ZBTB20: variants seen among roughly 807,000 people sequenced by gnomAD.
The protein encoded by ZBTB20 is zinc finger and BTB domain containing 20.
In ZBTB20, 9 loss-of-function variants were observed where a neutral mutation model predicts 56.9. That is an observed-to-expected ratio of 0.16 (90% CI 0.10 to 0.28). The LOEUF is 0.28. Among genes scored for constraint, ZBTB20 ranks in the 10% least tolerant of loss-of-function variants. The probability of loss-of-function intolerance (pLI) is 1.00; values close to 1 mark genes in which losing one functional copy is unlikely to be tolerated. For missense variants in ZBTB20, 655 were observed against 1,003.0 expected (o/e 0.65, Z 4.69); for synonymous variants, 417 against 420.7 (o/e 0.99, Z 0.11).
chr3:114,834,736 T>C (rs2074034278), intron 4 of ZBTB20, among the ~76,000 whole-genome samples: 1 of 152,058 alleles, frequency 6.6e-6, no homozygotes, highest in African/African-American at 2.4e-5. Context: ...GCTCCTGAGA[T>C]TAAACCCAGA....
At chr3:114,815,070 G>A (rs1299878822) in intron 4 of ZBTB20, among the ~76,000 whole-genome samples, 2 of 152,022 alleles carry the variant, frequency 1.3e-5, no homozygotes, top group Non-Finnish European at 2.9e-5. Context: ...TCCTAGTAAT[G>A]ACTAACCTCA....
chr3:114,719,036 T>C (rs1170202885), intron 5 of ZBTB20, among the ~76,000 whole-genome samples: 1 of 151,572 alleles, frequency 6.6e-6, no homozygotes, highest in East Asian at 1.9e-4. Flanking sequence ...AGGTTAAATA[T>C]TAACTCGAAA....
At chr3:114,893,799 C>T (rs2074740426) in intron 4 of ZBTB20, among the ~76,000 whole-genome samples, 1 of 152,118 alleles carries the variant, frequency 6.6e-6, no homozygotes, top group Non-Finnish European at 1.5e-5. Flanking sequence ...CTGGGCATGA[C>T]TTGTCTCTCA....
At chr3:114,768,706 T>C (rs986844987) in intron 5 of ZBTB20, among the ~76,000 whole-genome samples, 6 of 152,192 alleles carry the variant, frequency 3.9e-5, no homozygotes, top group Non-Finnish European at 8.8e-5. Context: ...TAAAGTATAT[T>C]TAGCTCATCT....
chr3:114,506,677 T>A (rs2109751196), intron 6 of ZBTB20, among the ~76,000 whole-genome samples: 1 of 152,302 alleles, frequency 6.6e-6, no homozygotes, highest in East Asian at 1.9e-4. Flanking sequence ...TGACTTATAG[T>A]AAACTGATCT....
intron 5 of ZBTB20, among the ~76,000 whole-genome samples, chr3:114,787,873 T>A (rs1267980748): frequency 6.6e-6 from 1 of 152,100 alleles, no homozygotes; most frequent in African/African-American, 2.4e-5. Context: ...CAGTTCTACC[T>A]CCCTGCCATT....
chr3:115,023,796 T>A (rs1258639075), intron 2 of ZBTB20, among the ~76,000 whole-genome samples: 2 of 151,092 alleles, frequency 1.3e-5, no homozygotes, highest in East Asian at 3.9e-4. Context: ...GAAAAAATGA[T>A]GCTAAAATAA....
chr3:114,561,116 C>A (rs1400501192), intron 6 of ZBTB20, among the ~76,000 whole-genome samples: 2 of 152,174 alleles, frequency 1.3e-5, no homozygotes, highest in African/African-American at 4.8e-5. Flanking sequence ...TATGAAAGTA[C>A]AACAATTCAG....
At chr3:114,696,774 G>T (rs951252779) in intron 5 of ZBTB20, among the ~76,000 whole-genome samples, 1 of 152,016 alleles carries the variant, frequency 6.6e-6, no homozygotes, top group Non-Finnish European at 1.5e-5. Flanking sequence ...GGAGGGGGTT[G>T]TGGGAAGGAG....
At chr3:114,637,941 C>T (rs889221801) in intron 6 of ZBTB20, among the ~76,000 whole-genome samples, 1 of 152,044 alleles carries the variant, frequency 6.6e-6, no homozygotes, top group Non-Finnish European at 1.5e-5. Flanking sequence ...CCTTTTCCCC[C>T]CACTATTACA....
chr3:114,944,854 T>C (rs2076833202), intron 3 of ZBTB20, among the ~76,000 whole-genome samples: 1 of 145,486 alleles, frequency 6.9e-6, no homozygotes, highest in Admixed American at 6.6e-5. Flanking sequence ...GGAGATGTTA[T>C]TCAAAAAGCA....
At chr3:114,758,191 G>C (rs1165369246) in intron 5 of ZBTB20, among the ~76,000 whole-genome samples, 1 of 152,058 alleles carries the variant, frequency 6.6e-6, no homozygotes, top group Admixed American at 6.6e-5. Flanking sequence ...ACTTGTAAGA[G>C]TATCTCTGTT....
intron 6 of ZBTB20, among the ~76,000 whole-genome samples, chr3:114,528,356 C>A (rs2047465229): frequency 6.6e-6 from 1 of 151,990 alleles, no homozygotes; most frequent in African/African-American, 2.4e-5. Flanking sequence ...ATGTTGATTT[C>A]ATCTATTCTT....
At chr3:115,143,132 T>A (rs1373151359) in intron 1 of ZBTB20, among the ~76,000 whole-genome samples, 1 of 152,178 alleles carries the variant, frequency 6.6e-6, no homozygotes, top group South Asian at 2.1e-4. Flanking sequence ...TTTAACCAGG[T>A]ACCAACTTTC....
chr3:115,069,123 C>T (rs2082312047), intron 2 of ZBTB20, among the ~76,000 whole-genome samples: 1 of 152,030 alleles, frequency 6.6e-6, no homozygotes, highest in Non-Finnish European at 1.5e-5. Context: ...TAATTCTCCT[C>T]CAAAAAAAGC....
intron 6 of ZBTB20, among the ~76,000 whole-genome samples, chr3:114,664,830 T>C (rs1294616810): frequency 1.3e-5 from 2 of 152,062 alleles, no homozygotes; most frequent in Non-Finnish European, 2.9e-5. Flanking sequence ...CAGAACAAGT[T>C]AGGATTCCCT....
chr3:114,881,861 G>A (rs2076412256), intron 4 of ZBTB20, among the ~76,000 whole-genome samples: 1 of 151,722 alleles, frequency 6.6e-6, no homozygotes, highest in African/African-American at 2.4e-5. Flanking sequence ...ATAAGTTTTG[G>A]TTGAATCAAA....
Position 114,339,493 on chromosome 3 carries a change from A to C in ZBTB20, c.1805-67T>G. ...CATAGCAAGGGATAGAGAATGAAGG[A>C]CAGGAAAAACAAGACAACAAAAAAG... On this transcript the variant is annotated intron_variant, in intron 11 of 11. Coordinates refer to ENST00000675478, the MANE Select transcript of ZBTB20 (RefSeq NM_001348800.3). The surrounding 1 kb of genome is among the most constrained non-coding windows in gnomAD (Gnocchi z 4.2). 6.7e-7 allele frequency: 1 copy of C among 1,490,144 alleles called. No individual in the cohort carries two copies. The highest frequency in any genetic ancestry group is 2.3e-5 in the Admixed American group (1 of 44,408). 92.3% of individuals were successfully genotyped at this position (1,490,144 alleles called of 1,614,324 possible).
chr3:114,553,421 A>C (rs1293891795), intron 6 of ZBTB20, among the ~76,000 whole-genome samples: 2 of 152,164 alleles, frequency 1.3e-5, no homozygotes, highest in African/African-American at 2.4e-5. Flanking sequence ...GTCCTTGGAA[A>C]ATCAGTGAAA....
Sources: gnomAD v4.1 joint callset for allele counts (sites outside exome capture counted in the v4.1 genomes callset) on GRCh38, gnomAD v4.1.1 for gene constraint, Gnocchi (gnomAD v3.1) non-coding constraint, MANE v1.5 for transcripts, NCBI Gene and HGNC (gene_info 2026-07-23, HGNC 2026-07-21) for gene names.